Variants in FRMPD4 observed in about 807,000 individuals in gnomAD.
FRMPD4 encodes the protein FERM and PDZ domain-containing protein 4.
A neutral mutation model predicts 94.1 loss-of-function variants in FRMPD4; 22 were observed. The observed-to-expected ratio is 0.23, with a 90% CI of 0.17 to 0.33. The LOEUF (loss-of-function observed/expected upper bound fraction) is 0.33, where lower values mean the gene tolerates loss of function less well. Among genes scored for constraint, FRMPD4 ranks in the 10% least tolerant of loss-of-function variants. The pLI is 1.00. For missense variants in FRMPD4, 1,111 were observed against 1,339.9 expected, an observed-to-expected ratio of 0.83 and a Z score of 2.67; for synonymous variants, 631 against 548.6, an observed-to-expected ratio of 1.15 and a Z score of -2.10.
chrX:12,291,121 C>T (rs189600856), intron 1 of FRMPD4, among the ~76,000 whole-genome samples: 1 of 111,685 alleles, frequency 9.0e-6, no homozygotes, highest in African/African-American at 3.2e-5. Context: ...AGGGCTTTTC[C>T]TCTCACCCAC....
chrX:12,718,826 T>G, intron 16 of FRMPD4, 36 bp downstream of exon 16: 1 of 857,910 alleles, frequency 1.2e-6, no homozygotes. Flanking sequence ...TTGTATGACA[T>G]GCCAAGAGCA....
intron 1 of FRMPD4, among the ~76,000 whole-genome samples, chrX:12,154,115 G>T (rs1213970635): frequency 8.9e-6 from 1 of 112,098 alleles, no homozygotes; most frequent in Non-Finnish European, 1.9e-5. Flanking sequence ...GGAGACAGAG[G>T]GAATTACAAA....
chrX:12,007,427 A>G (rs2054559497), intron 3 of FRMPD4, among the ~76,000 whole-genome samples: 1 of 112,050 alleles, frequency 8.9e-6, no homozygotes, highest in African/African-American at 3.2e-5. Flanking sequence ...GATATCCAGA[A>G]TAATAGCATC....
chrX:11,958,844 T>C (rs1190105271), intron 3 of FRMPD4, among the ~76,000 whole-genome samples: 1 of 112,270 alleles, frequency 8.9e-6, no homozygotes, highest in East Asian at 2.8e-4. Flanking sequence ...CTAATTCTCA[T>C]GTTAGAATCA....
At chrX:12,605,358 C>T (rs2059121795) in intron 2 of FRMPD4, among the ~76,000 whole-genome samples, 1 of 111,704 alleles carries the variant, frequency 9.0e-6, no homozygotes, top group Admixed American at 9.5e-5. Flanking sequence ...GAGTAGAAGT[C>T]CCACTCCTGG....
At chrX:12,439,465 C>T (rs936409102) in intron 1 of FRMPD4, among the ~76,000 whole-genome samples, 6 of 111,193 alleles carry the variant, frequency 5.4e-5, no homozygotes, top group African/African-American at 2.0e-4. Flanking sequence ...GGGATTCGAA[C>T]CTAGGTGTGA....
chrX:12,004,784 G>T (rs2054542514), intron 3 of FRMPD4, among the ~76,000 whole-genome samples: 1 of 109,010 alleles, frequency 9.2e-6, no homozygotes, highest in African/African-American at 3.4e-5. Context: ...GCCCAACCTG[G>T]CTGCTAGGCC....
intron 3 of FRMPD4, among the ~76,000 whole-genome samples, chrX:12,099,676 A>G (rs1022304348): frequency 8.9e-6 from 1 of 112,262 alleles, no homozygotes; most frequent in Admixed American, 9.4e-5. Flanking sequence ...TGGACACTGT[A>G]TTACGGAACA....
chrX:11,889,263 T>A (rs763725861), intron 3 of FRMPD4, among the ~76,000 whole-genome samples: 1 of 112,216 alleles, frequency 8.9e-6, no homozygotes, highest in Non-Finnish European at 1.9e-5. Context: ...CAACTTAGAC[T>A]GGGCTACATC....
intron 1 of FRMPD4, among the ~76,000 whole-genome samples, chrX:12,359,472 C>CT (rs34380413): frequency 0.38 from 36,994 of 97,875 alleles, 6,063 homozygotes; most frequent in Non-Finnish European, 0.42. Flanking sequence ...TTTCTTTTTT[C>CT]TTTTTTTTTT....
intron 1 of FRMPD4, among the ~76,000 whole-genome samples, chrX:12,168,767 A>G (rs1187033714): frequency 9.2e-6 from 1 of 108,245 alleles, no homozygotes; most frequent in Non-Finnish European, 1.9e-5. Flanking sequence ...CTGGGACTAC[A>G]GGCGCCCACC....
chrX:12,703,349 C>T (rs1386696078), intron 10 of FRMPD4, among the ~76,000 whole-genome samples: 1 of 112,065 alleles, frequency 8.9e-6, no homozygotes, highest in Non-Finnish European at 1.9e-5. Flanking sequence ...TACAAGAAAG[C>T]CCATAAGTAG....
intron 2 of FRMPD4, among the ~76,000 whole-genome samples, chrX:11,867,207 T>C (rs977910774): frequency 9.0e-6 from 1 of 111,617 alleles, no homozygotes; most frequent in Admixed American, 9.5e-5. Context: ...CTTTTGAAAG[T>C]GTTGAATTAG....
intron 1 of FRMPD4, among the ~76,000 whole-genome samples, chrX:11,855,340 TC>T (rs2053648241): frequency 8.9e-6 from 1 of 111,836 alleles, no homozygotes; most frequent in Non-Finnish European, 1.9e-5. Flanking sequence ...TGGAGACATT[TC>T]CCCCATTGTC....
At chrX:12,326,809 T>A (rs2055295310) in intron 1 of FRMPD4, among the ~76,000 whole-genome samples, 1 of 110,462 alleles carries the variant, frequency 9.1e-6, no homozygotes, top group Non-Finnish European at 1.9e-5. Context: ...TACAAAAAAA[T>A]TAAAAATTAG....
At chrX:11,923,995 G>C (rs754815536) in intron 3 of FRMPD4, among the ~76,000 whole-genome samples, 1 of 111,903 alleles carries the variant, frequency 8.9e-6, no homozygotes, top group Non-Finnish European at 1.9e-5. Context: ...TCAGCTATAG[G>C]AGTACATTGA....
intron 3 of FRMPD4, among the ~76,000 whole-genome samples, chrX:12,019,974 G>A (rs916077155): frequency 1.8e-5 from 2 of 112,082 alleles, no homozygotes; most frequent in East Asian, 5.6e-4. Context: ...CTTGTTTTAT[G>A]TATATAGAAA....
At chrX:12,638,374 C>G (rs1005471416) in intron 4 of FRMPD4, among the ~76,000 whole-genome samples, 1 of 111,682 alleles carries the variant, frequency 9.0e-6, no homozygotes, top group Non-Finnish European at 1.9e-5. Flanking sequence ...GTAGCTGGGA[C>G]TATAGGCATG....
At chrX:12,285,505 A>G in intron 1 of FRMPD4, among the ~76,000 whole-genome samples, 1 of 111,181 alleles carries the variant, frequency 9.0e-6, no homozygotes, top group East Asian at 2.8e-4. Context: ...GCAAACACAT[A>G]GAAATATTCG....
Sources: allele counts gnomAD v4.1 joint callset (sites outside exome capture counted in the v4.1 genomes callset), GRCh38; gene constraint gnomAD v4.1.1; transcripts MANE v1.5; gene names NCBI Gene and HGNC (gene_info 2026-07-23, HGNC 2026-07-21).